Variants in MEAF6 observed in about 807,000 individuals in gnomAD.
MEAF6 encodes chromatin modification-related protein MEAF6.
MEAF6 carries 15 observed loss-of-function variants against 28.9 expected under a neutral mutation model. The observed-to-expected ratio is 0.52, with a 90% CI of 0.35 to 0.80. MEAF6 has a LOEUF of 0.80. MEAF6 is among the 30% of genes least tolerant of loss of function. The probability of loss-of-function intolerance (pLI) is 0.01; values close to 1 mark genes in which losing one functional copy is unlikely to be tolerated. For missense variants in MEAF6, 178 were observed against 237.5 expected, an observed-to-expected ratio of 0.75 and a Z score of 1.65; for synonymous variants, 97 against 88.7, an observed-to-expected ratio of 1.09 and a Z score of -0.53.
intron 2 of MEAF6, among the ~76,000 whole-genome samples, chr1:37,510,227 G>A (rs1642622717): frequency 6.6e-6 from 1 of 151,516 alleles, no homozygotes; most frequent in African/African-American, 2.4e-5. Flanking sequence ...ACAGGCACGT[G>A]CCACCACACC....
chr1:37,498,244 T>C (rs1183304117), intron 5 of MEAF6, among the ~76,000 whole-genome samples: 1 of 152,116 alleles, frequency 6.6e-6, no homozygotes, highest in African/African-American at 2.4e-5. Flanking sequence ...TGGGAGAGTA[T>C]ACAGTAGGTG....
chr1:37,513,779 A>G (rs565987528), intron 1 of MEAF6: 16 of 570,942 alleles, frequency 2.8e-5, no homozygotes, highest in Middle Eastern at 4.6e-4. Flanking sequence ...CACACACGCG[A>G]AATTTTGCAT....
At position 37,490,568 on chromosome 1, in the gene MEAF6, A is replaced by G. The variant is rs976109122; in HGVS notation, c.*3531T>C. On this transcript the variant is annotated 3_prime_UTR_variant, in exon 7 of 7. Transcript: ENST00000296214. ...TTTCTGTTGGAGACAGCGTCTTGCT[A>G]CGTTACTCAGGCTGAAGTGCAGTGG... Among the ~76,000 whole-genome samples, 19 of 152,308 alleles carry G rather than the reference A, an allele frequency of 1.2e-4. No homozygotes were observed. The highest frequency in any genetic ancestry group is 4.6e-4 in the African/African-American group (19 of 41,570).
chr1:37,514,741 C>A lies in MEAF6; in HGVS notation c.6G>T (p.Ala2=). ...GCGGCGGCGCCGCCTTGTTGTGCATCGCCATGTTGGGCTGAGGCGGGCGGC... is the reference window on the plus strand; with the variant it reads ...GCGGCGGCGCCGCCTTGTTGTGCATAGCCATGTTGGGCTGAGGCGGGCGGC... M[A]MHNKAAPPQI... The change falls in exon 1 of 7, where the codon GCG becomes GCT. Residue 2 remains alanine, a synonymous_variant. Coordinates refer to ENST00000296214, the MANE Select transcript of MEAF6 (RefSeq NM_001270875.3). 2 of 1,513,736 alleles carry A rather than the reference C, an allele frequency of 1.3e-6. No homozygotes were observed. Among genetic ancestry groups the A allele is most frequent in the Non-Finnish European group, 1.8e-6 (2 of 1,135,412 alleles). 93.8% of individuals were successfully genotyped at this position (1,513,736 alleles called of 1,614,324 possible).
At chr1:37,506,005 G>A (rs1194664963) in intron 4 of MEAF6, among the ~76,000 whole-genome samples, 1 of 152,228 alleles carries the variant, frequency 6.6e-6, no homozygotes, top group Non-Finnish European at 1.5e-5. Flanking sequence ...GGGCGCAGTG[G>A]CTCAAGCCTG....
intron 6 of MEAF6, among the ~76,000 whole-genome samples, 199 bp downstream of exon 6, chr1:37,495,684 CAA>C (rs376230589): frequency 4.3e-5 from 3 of 70,548 alleles, no homozygotes; most frequent in South Asian, 6.5e-4. Context: ...AACTGTCTCT[CAA>C]AAAAAAAAAA....
At chr1:37,505,417 G>A (rs187396084) in intron 4 of MEAF6, among the ~76,000 whole-genome samples, 1 of 152,300 alleles carries the variant, frequency 6.6e-6, no homozygotes, top group Admixed American at 6.5e-5. Context: ...GCCGCAAGCA[G>A]CCCAGGACGG....
At chr1:37,498,880 G>A (rs1642205865) in intron 5 of MEAF6, among the ~76,000 whole-genome samples, 1 of 152,116 alleles carries the variant, frequency 6.6e-6, no homozygotes, top group African/African-American at 2.4e-5. Context: ...GGCGGGGTGT[G>A]GTGTGGTTCA....
intron 4 of MEAF6, among the ~76,000 whole-genome samples, chr1:37,506,740 A>T (rs1642498048): frequency 6.6e-6 from 1 of 152,020 alleles, no homozygotes; most frequent in South Asian, 2.1e-4. Flanking sequence ...CTCAGGCTGG[A>T]GTGTCATGGC....
chr1:37,512,521 T>A (rs1642702214), intron 2 of MEAF6, among the ~76,000 whole-genome samples: 1 of 152,200 alleles, frequency 6.6e-6, no homozygotes. Flanking sequence ...GAAGATTTTC[T>A]AAAAGTTTAG....
intron 4 of MEAF6, among the ~76,000 whole-genome samples, chr1:37,506,035 G>A (rs763948529): frequency 1.1e-4 from 16 of 152,238 alleles, no homozygotes; most frequent in Non-Finnish European, 2.1e-4. Flanking sequence ...CACTTTGGGA[G>A]GCCAAGGTGG....
In MEAF6 at chr1:37,513,708, G is replaced by T. The variant is rs1221944797; in HGVS notation, c.91-170C>A. The stretch of plus-strand genomic sequence containing the variant: ...GGAGGAGCCGTTTAGGACTAAGACA[G>T]TCTAGACCTTTGGGGGTGATGGACC... On this transcript the variant is annotated intron_variant, in intron 1 of 6. Transcript: ENST00000296214. The T allele has an allele frequency of 8.1e-6, 5 of 619,856 alleles. No homozygotes were observed. In the East Asian group the frequency reaches 1.4e-4, roughly 17 times the overall value. 38.4% of individuals were successfully genotyped at this position (619,856 alleles called of 1,614,324 possible). A position where few individuals can be genotyped will look rare whatever the true frequency, so the allele number is the denominator to read the frequency against.
chr1:37,505,194 C>T (rs1222623882), intron 4 of MEAF6, among the ~76,000 whole-genome samples: 1 of 152,114 alleles, frequency 6.6e-6, no homozygotes, highest in Non-Finnish European at 1.5e-5. Context: ...CAGTTTTCTT[C>T]TTTCTATGGT....
intron 4 of MEAF6, among the ~76,000 whole-genome samples, chr1:37,506,732 C>T (rs891831867): frequency 2.0e-5 from 3 of 152,106 alleles, no homozygotes; most frequent in African/African-American, 7.2e-5. Context: ...CTCTGTCACT[C>T]AGGCTGGAGT....
chr1:37,491,037 A>G lies in MEAF6; in HGVS notation c.*3062T>C, dbSNP rs1402208725. On this transcript the variant is annotated 3_prime_UTR_variant, in exon 7 of 7. Transcript: ENST00000296214. ...GCAAGACTCTGTCTCAAAAAAATAA[A>G]TAAATAAAATAATGCCTCATTAATT... 2.6e-5 allele frequency among the ~76,000 whole-genome samples: 4 copies of G among 152,172 alleles called. No homozygotes were observed. The highest frequency in any genetic ancestry group is 9.7e-5 in the African/African-American group (4 of 41,434).
Position 37,493,801 on chromosome 1 carries a change from G to A in MEAF6, c.*298C>T, listed in dbSNP as rs1188237300. 3.2e-6 allele frequency: 5 copies of A among 1,550,710 alleles called. No individual in the cohort carries two copies. Among genetic ancestry groups the A allele is most frequent in the African/African-American group, 1.4e-5 (1 of 73,020 alleles). On this transcript the variant is annotated 3_prime_UTR_variant, in exon 7 of 7. Transcript: ENST00000296214. The stretch of plus-strand genomic sequence containing the variant: ...TGAAGCTGGTGCCAGCCAGTTTTGG[G>A]GGAGACATTCATTCTAAGAAGGGAG...
intron 4 of MEAF6, among the ~76,000 whole-genome samples, chr1:37,506,675 G>A (rs558284297): frequency 2.6e-4 from 40 of 152,160 alleles, no homozygotes; most frequent in Admixed American, 1.6e-3. Flanking sequence ...GAGCCATCTC[G>A]CCAGCCTTTT....
At chr1:37,512,287 G>A (rs1189984747) in intron 2 of MEAF6, among the ~76,000 whole-genome samples, 1 of 152,114 alleles carries the variant, frequency 6.6e-6, no homozygotes, top group Non-Finnish European at 1.5e-5. Context: ...AACCATTGGG[G>A]AAAACCAGAT....
At position 37,511,398 on chromosome 1, in the gene MEAF6, T is replaced by C. The variant is rs1001801633; in HGVS notation, c.207-1856A>G. 3.3e-5 allele frequency among the ~76,000 whole-genome samples: 5 copies of C among 152,234 alleles called. 1 individual carries two copies. The highest frequency in any genetic ancestry group is 4.8e-5 in the African/African-American group (2 of 41,452). ...TAATACAATTAGAGAATCACTATTT[T>C]ACAACTTCCAGTGTACTAACGGATT... On this transcript the variant is annotated intron_variant, in intron 2 of 6. Transcript: ENST00000296214.
Sources: allele counts gnomAD v4.1 joint callset (sites outside exome capture counted in the v4.1 genomes callset), GRCh38; gene constraint gnomAD v4.1.1; transcripts MANE v1.5; gene names NCBI Gene and HGNC (gene_info 2026-07-23, HGNC 2026-07-21).